SCHIP1: variants seen among roughly 807,000 people sequenced by gnomAD.
SCHIP1 encodes the protein schwannomin interacting protein 1.
A neutral mutation model predicts 29.7 loss-of-function variants in SCHIP1; 8 were observed. The observed-to-expected ratio is 0.27, with a 90% CI of 0.16 to 0.49. The LOEUF (loss-of-function observed/expected upper bound fraction) is 0.49. Ranked by LOEUF, SCHIP1 falls within the 20% of genes least tolerant of loss-of-function variation. SCHIP1 has a pLI of 0.99. For missense variants in SCHIP1, 193 were observed against 294.6 expected, an observed-to-expected ratio of 0.66 and a Z score of 2.52; for synonymous variants, 76 against 94.9, an observed-to-expected ratio of 0.80 and a Z score of 1.16.
chr3:159,335,827 A>C, the SCHIP1 span, among the ~76,000 whole-genome samples: 3 of 152,194 alleles, frequency 2.0e-5, no homozygotes, highest in African/African-American at 7.2e-5. Context: ...TCTTTATAGC[A>C]GCATGATTTA....
the SCHIP1 span, among the ~76,000 whole-genome samples, chr3:159,479,692 C>G: frequency 6.6e-6 from 1 of 152,142 alleles, no homozygotes; most frequent in Non-Finnish European, 1.5e-5. Flanking sequence ...GGTTAACTCT[C>G]CACCTCTACT....
the SCHIP1 span, chr3:159,282,709 A>G: frequency 6.8e-6 from 1 of 146,352 alleles, no homozygotes; most frequent in Non-Finnish European, 1.5e-5. Flanking sequence ...AGCAGAGAAC[A>G]AAGGACTCAG....
chr3:159,606,056 T>C, the SCHIP1 span, among the ~76,000 whole-genome samples: 1 of 152,178 alleles, frequency 6.6e-6, no homozygotes, highest in African/African-American at 2.4e-5. Context: ...TGTTCTTACA[T>C]GAATCTCCCC....
At chr3:159,421,335 C>T in the SCHIP1 span, among the ~76,000 whole-genome samples, 6 of 152,160 alleles carry the variant, frequency 3.9e-5, no homozygotes, top group Non-Finnish European at 8.8e-5. Context: ...CTGAACTTTA[C>T]AAACTTCAAA....
At chr3:159,352,965 G>A in the SCHIP1 span, among the ~76,000 whole-genome samples, 51 of 152,266 alleles carry the variant, frequency 3.3e-4, no homozygotes, top group African/African-American at 1.1e-3. Flanking sequence ...GGTAGATGAT[G>A]CGTTTGGGGG....
chr3:159,888,762 C>A, intron 4 of SCHIP1, 58 bp from the exon 6 acceptor site: 2 of 1,590,388 alleles, frequency 1.3e-6, no homozygotes, highest in Admixed American at 1.8e-5. Flanking sequence ...TGGGTCTTAA[C>A]GTTCAGTGTG....
At chr3:159,828,228 G>A in the SCHIP1 span, among the ~76,000 whole-genome samples, 2 of 151,184 alleles carry the variant, frequency 1.3e-5, no homozygotes, top group African/African-American at 4.9e-5. Flanking sequence ...AGTAGCCCAA[G>A]GAAACACACC....
chr3:159,291,507 A>G, the SCHIP1 span, among the ~76,000 whole-genome samples: 5 of 152,280 alleles, frequency 3.3e-5, no homozygotes, highest in African/African-American at 4.8e-5. Flanking sequence ...TGCAACCCCA[A>G]TGAAATAATA....
chr3:159,896,514 C>T (rs553327427), intron 6 of SCHIP1, among the ~76,000 whole-genome samples: 1 of 152,252 alleles, frequency 6.6e-6, no homozygotes, highest in South Asian at 2.1e-4. Flanking sequence ...CAGTGGCTTA[C>T]TAAATAAAAG....
the SCHIP1 span, among the ~76,000 whole-genome samples, chr3:159,291,135 T>C: frequency 1.3e-5 from 2 of 152,010 alleles, no homozygotes; most frequent in Non-Finnish European, 2.9e-5. Context: ...ACAAGGAAGG[T>C]TCCAAAGACC....
chr3:159,585,206 A>G, the SCHIP1 span, among the ~76,000 whole-genome samples: 1 of 152,006 alleles, frequency 6.6e-6, no homozygotes, highest in Admixed American at 6.6e-5. Flanking sequence ...CTCTCAGAAT[A>G]TTAACTCCAC....
At chr3:159,374,395 A>AATT in the SCHIP1 span, among the ~76,000 whole-genome samples, 1 of 152,132 alleles carries the variant, frequency 6.6e-6, no homozygotes, top group African/African-American at 2.4e-5. Context: ...AAATTGAGCA[A>AATT]ATTAGAGTCA....
chr3:159,398,033 T>G, the SCHIP1 span, among the ~76,000 whole-genome samples: 48 of 152,324 alleles, frequency 3.2e-4, no homozygotes, highest in Non-Finnish European at 5.4e-4. Context: ...CCTGGTGTGC[T>G]GTTTTTTAAG....
chr3:159,863,648 A>T (rs1714297477), intron 1 of SCHIP1, among the ~76,000 whole-genome samples: 1 of 152,220 alleles, frequency 6.6e-6, no homozygotes, highest in Non-Finnish European at 1.5e-5. Flanking sequence ...GTTAGCAATC[A>T]TGTCTCTCTA....
the SCHIP1 span, among the ~76,000 whole-genome samples, chr3:159,441,190 T>C: frequency 6.6e-6 from 1 of 152,102 alleles, no homozygotes; most frequent in East Asian, 1.9e-4. Context: ...CACACACATA[T>C]TTACATTCCT....
At chr3:159,844,541 G>A (rs924215675) in intron 1 of SCHIP1, among the ~76,000 whole-genome samples, 3 of 152,160 alleles carry the variant, frequency 2.0e-5, no homozygotes, top group African/African-American at 7.2e-5. Context: ...TAGAGCTATC[G>A]ACCTCCATTT....
chr3:159,446,568 T>TTACAGCAATACAATATTGTTGTAA, the SCHIP1 span, among the ~76,000 whole-genome samples: 8 of 152,068 alleles, frequency 5.3e-5, no homozygotes, highest in South Asian at 4.2e-4. Context: ...TATTGTTGCA[T>TTACAGCAATACAATATTGTTGTAA]TACAGCAATA....
chr3:159,795,837 G>A, the SCHIP1 span, among the ~76,000 whole-genome samples: 1 of 152,216 alleles, frequency 6.6e-6, no homozygotes, highest in Non-Finnish European at 1.5e-5. Context: ...GGAGTAGGAT[G>A]TGTTGACGGA....
the SCHIP1 span, among the ~76,000 whole-genome samples, chr3:159,801,673 A>T: frequency 6.6e-6 from 1 of 152,172 alleles, no homozygotes; most frequent in African/African-American, 2.4e-5. Context: ...TTCACTTTCT[A>T]AAAATCAGAG....
Sources: allele counts gnomAD v4.1 joint callset (sites outside exome capture counted in the v4.1 genomes callset), GRCh38; gene constraint gnomAD v4.1.1; transcripts MANE v1.5; gene names NCBI Gene and HGNC (gene_info 2026-07-23, HGNC 2026-07-21).